TTLL11: variants seen among roughly 807,000 people sequenced by gnomAD.
TTLL11 encodes tubulin tyrosine ligase like 11, also known as tubulin polyglutamylase TTLL11.
TTLL11 carries 42 observed loss-of-function variants against 51.7 expected under a neutral mutation model. The ratio of observed to expected loss-of-function variants is 0.81; its 90% CI spans 0.64 to 1.05. The LOEUF is 1.05. Ranked by LOEUF, TTLL11 falls within the 50% of genes least tolerant of loss-of-function variation. The pLI is 0.00. For synonymous variants in TTLL11, 381 were observed against 383.5 expected (o/e 0.99, Z 0.08); for missense variants, 799 against 940.4 (o/e 0.85, Z 1.97).
At chr9:121,855,090 G>C (rs374456355) in intron 8 of TTLL11, among the ~76,000 whole-genome samples, 51 of 152,212 alleles carry the variant, frequency 3.4e-4, no homozygotes, top group Middle Eastern at 6.8e-3. Flanking sequence ...TTCCTTAGGT[G>C]GGGAGAGCCA....
intron 4 of TTLL11, among the ~76,000 whole-genome samples, chr9:121,977,109 C>T (rs948729732): frequency 1.3e-5 from 2 of 152,168 alleles, no homozygotes; most frequent in Non-Finnish European, 2.9e-5. Flanking sequence ...GGTGGGAATG[C>T]TGGGAGCTGG....
At position 122,006,998 on chromosome 9, in the gene TTLL11, A is replaced by G. The variant is rs57272079; in HGVS notation, c.694-17228T>C. ...TACTCTGTCAAAAAAAAAAAAAAAA[A>G]AAAAAAAAAAACTTTTCCTTATTTT... On this transcript the variant is annotated intron_variant, in intron 3 of 8. Coordinates refer to ENST00000321582, the MANE Select transcript of TTLL11 (RefSeq NM_001139442.2). Among the ~76,000 whole-genome samples, 544 of 129,932 alleles carry G rather than the reference A, an allele frequency of 4.2e-3. 5 individuals carry two copies. Among genetic ancestry groups the G allele is most frequent in the African/African-American group, 0.019 (529 of 27,340 alleles). The allele number at this position is 129,932 out of a possible 152,430, so 85.2% of individuals were successfully genotyped here. A position where few individuals can be genotyped will look rare whatever the true frequency, so the allele number is the denominator to read the frequency against.
chr9:121,968,851 A>G (rs558667420), intron 6 of TTLL11, among the ~76,000 whole-genome samples: 1 of 151,538 alleles, frequency 6.6e-6, no homozygotes, highest in East Asian at 2.0e-4. Context: ...ATACATTAAA[A>G]GTTTTTCTCA....
chr9:121,831,639 G>T (rs1261245245), intron 8 of TTLL11, among the ~76,000 whole-genome samples: 1 of 151,456 alleles, frequency 6.6e-6, no homozygotes, highest in Non-Finnish European at 1.5e-5. Flanking sequence ...GGTGGAGGTT[G>T]CAGTGAGCCG....
chr9:121,972,393 ATACG>A (rs1157240252), intron 6 of TTLL11, among the ~76,000 whole-genome samples: 1 of 152,256 alleles, frequency 6.6e-6, no homozygotes, highest in African/African-American at 2.4e-5. Context: ...CTGCAGACAC[ATACG>A]TACTGGTGAA....
chr9:122,064,772 A>G (rs1845530726), intron 1 of TTLL11, among the ~76,000 whole-genome samples: 1 of 152,172 alleles, frequency 6.6e-6, no homozygotes, highest in African/African-American at 2.4e-5. Flanking sequence ...TAAGAAGACA[A>G]AGGAGGAGGG....
chr9:121,848,489 T>C (rs1837579190), intron 8 of TTLL11, among the ~76,000 whole-genome samples: 1 of 152,260 alleles, frequency 6.6e-6, no homozygotes, highest in African/African-American at 2.4e-5. Context: ...GGATTGTCAA[T>C]GTAGAAAATC....
intron 1 of TTLL11, among the ~76,000 whole-genome samples, chr9:122,084,130 A>G (rs1036367676): frequency 2.6e-5 from 4 of 152,224 alleles, no homozygotes; most frequent in Admixed American, 2.0e-4. Context: ...AAATAGGAAA[A>G]CTGGCCTTCA....
intron 6 of TTLL11, among the ~76,000 whole-genome samples, chr9:121,917,632 G>GAGGGAAGGGAGGGAAGGA (rs1840388265): frequency 7.3e-6 from 1 of 137,704 alleles, no homozygotes; most frequent in Non-Finnish European, 1.6e-5. Context: ...GGAGGGAAGG[G>GAGGGAAGGGAGGGAAGGA]AGGGAAGGGA....
chr9:121,881,090 G>GTAA (rs1838772033), intron 6 of TTLL11, among the ~76,000 whole-genome samples: 2 of 152,188 alleles, frequency 1.3e-5, no homozygotes. Context: ...TATGACAACT[G>GTAA]TAATCAGTGG....
chr9:122,041,066 C>T (rs1257557841), intron 1 of TTLL11, among the ~76,000 whole-genome samples: 2 of 152,162 alleles, frequency 1.3e-5, no homozygotes, highest in African/African-American at 2.4e-5. Context: ...CTCTTATCTC[C>T]TTTTTCATCA....
At chr9:121,885,917 CAG>C (rs1306414936) in intron 6 of TTLL11, among the ~76,000 whole-genome samples, 1 of 152,182 alleles carries the variant, frequency 6.6e-6, no homozygotes, top group Non-Finnish European at 1.5e-5. Flanking sequence ...TTAGTAGAGA[CAG>C]AGTTTCTCTA....
chr9:122,027,283 C>T (rs1293205055), intron 3 of TTLL11, among the ~76,000 whole-genome samples: 1 of 152,188 alleles, frequency 6.6e-6, no homozygotes, highest in Non-Finnish European at 1.5e-5. Flanking sequence ...TCACCTCCAA[C>T]ACAGGGGAAT....
At chr9:121,961,195 T>C (rs994163083) in intron 6 of TTLL11, among the ~76,000 whole-genome samples, 1 of 152,140 alleles carries the variant, frequency 6.6e-6, no homozygotes, top group Non-Finnish European at 1.5e-5. Flanking sequence ...GCTGTAGCAC[T>C]CTTCCCACTT....
At chr9:121,919,223 T>C (rs1443774590) in intron 6 of TTLL11, among the ~76,000 whole-genome samples, 1 of 152,244 alleles carries the variant, frequency 6.6e-6, no homozygotes, top group Non-Finnish European at 1.5e-5. Flanking sequence ...TCCATTTTTG[T>C]ATATTTCAAT....
At chr9:121,827,126 T>A (rs1297124069) in intron 8 of TTLL11, among the ~76,000 whole-genome samples, 1 of 152,232 alleles carries the variant, frequency 6.6e-6, no homozygotes, top group Non-Finnish European at 1.5e-5. Context: ...TCTAACCATT[T>A]TTTTTTATAG....
chr9:121,911,728 A>T (rs1348148294), intron 6 of TTLL11, among the ~76,000 whole-genome samples: 1 of 152,212 alleles, frequency 6.6e-6, no homozygotes, highest in Non-Finnish European at 1.5e-5. Flanking sequence ...TGGGAGTTGA[A>T]CAATGAGAAC....
intron 4 of TTLL11, among the ~76,000 whole-genome samples, chr9:121,981,275 G>C (rs1193775518): frequency 6.6e-6 from 1 of 151,604 alleles, no homozygotes; most frequent in African/African-American, 2.4e-5. Flanking sequence ...CTTAATTTTG[G>C]ACACATTCTA....
chr9:122,039,166 A>G (rs573007431), intron 2 of TTLL11, 106 bp downstream of exon 2: 4 of 900,640 alleles, frequency 4.4e-6, no homozygotes, highest in Non-Finnish European at 5.2e-6. Context: ...CCCAATTAAG[A>G]GTCCTCAAAT....
Sources: allele counts gnomAD v4.1 joint callset (sites outside exome capture counted in the v4.1 genomes callset), GRCh38; gene constraint gnomAD v4.1.1; transcripts MANE v1.5; gene names NCBI Gene and HGNC (gene_info 2026-07-23, HGNC 2026-07-21).